The following CEP128 variants were observed in gnomAD, a reference collection of about 807,000 sequenced individuals.
CEP128 encodes centrosomal protein 128.
Under a neutral mutation model 156.7 loss-of-function variants are expected in CEP128, and 132 were observed. That is an observed-to-expected ratio of 0.84 (90% CI 0.73 to 0.97). CEP128 has a LOEUF of 0.97. Ranked by LOEUF, CEP128 falls within the 50% of genes least tolerant of loss-of-function variation. CEP128 has a pLI of 0.00. For missense variants in CEP128, 1,252 were observed against 1,281.9 expected, an observed-to-expected ratio of 0.98 and a Z score of 0.36; for synonymous variants, 469 against 448.9, an observed-to-expected ratio of 1.04 and a Z score of -0.57.
chr14:80,935,892 C>T (rs1885779259), intron 2 of CEP128, among the ~76,000 whole-genome samples: 1 of 152,122 alleles, frequency 6.6e-6, no homozygotes, highest in Non-Finnish European at 1.5e-5. Context: ...GTAAACATAG[C>T]TGTAATCAAT....
At chr14:80,541,859 T>C (rs1380671234) in intron 21 of CEP128, among the ~76,000 whole-genome samples, 2 of 152,206 alleles carry the variant, frequency 1.3e-5, no homozygotes, top group African/African-American at 4.8e-5. Context: ...AGTTAAGAGC[T>C]TGGGCTCTTG....
intron 19 of CEP128, among the ~76,000 whole-genome samples, chr14:80,736,195 A>G (rs1217325491): frequency 6.6e-6 from 1 of 152,114 alleles, no homozygotes; most frequent in East Asian, 1.9e-4. Context: ...GCAACAACAA[A>G]TAGTCAAAAT....
At chr14:80,729,280 G>A (rs1017543813) in intron 19 of CEP128, among the ~76,000 whole-genome samples, 1 of 151,346 alleles carries the variant, frequency 6.6e-6, no homozygotes, top group African/African-American at 2.4e-5. Flanking sequence ...TTCCATTCCT[G>A]AGTTACTTCA....
chr14:80,597,950 C>CAAAAAAAAAAAAAAAAAAAA (rs34001813), intron 19 of CEP128, among the ~76,000 whole-genome samples: 1 of 80,134 alleles, frequency 1.2e-5, no homozygotes, highest in African/African-American at 5.0e-5. Context: ...TCCTCAGCTA[C>CAAAAAAAAAAAAAAAAAAAA]AAAAAAAAAA....
intron 19 of CEP128, among the ~76,000 whole-genome samples, chr14:80,739,303 T>C (rs1008422046): frequency 9.2e-5 from 14 of 152,178 alleles, no homozygotes; most frequent in Non-Finnish European, 1.3e-4. Context: ...ACAAAAATTA[T>C]TGTGATAAGT....
chr14:80,665,061 T>C (rs1019841597), intron 19 of CEP128, among the ~76,000 whole-genome samples: 8 of 152,230 alleles, frequency 5.3e-5, no homozygotes, highest in African/African-American at 1.7e-4. Context: ...AAAGAAAATT[T>C]GAATTTCTGA....
intron 16 of CEP128, among the ~76,000 whole-genome samples, chr14:80,764,902 AG>A (rs1252397328): frequency 6.6e-6 from 1 of 152,196 alleles, no homozygotes; most frequent in Non-Finnish European, 1.5e-5. Context: ...TCAGACACAT[AG>A]TGGTCTCCAT....
chr14:80,623,837 A>G (rs1595106734), intron 19 of CEP128, among the ~76,000 whole-genome samples: 1 of 152,180 alleles, frequency 6.6e-6, no homozygotes, highest in Non-Finnish European at 1.5e-5. Flanking sequence ...ATACAGAGTG[A>G]TATTTTGATA....
At chr14:80,871,797 T>C (rs1357134517) in intron 8 of CEP128, among the ~76,000 whole-genome samples, 1 of 152,060 alleles carries the variant, frequency 6.6e-6, no homozygotes, top group Admixed American at 6.6e-5. Context: ...CCATATTTGG[T>C]TATAAAAATA....
intron 2 of CEP128, among the ~76,000 whole-genome samples, chr14:80,947,130 A>G (rs769700755): frequency 1.3e-5 from 2 of 152,158 alleles, no homozygotes; most frequent in African/African-American, 2.4e-5. Context: ...TTTTCTTCAC[A>G]AATTACACAG....
chr14:80,782,927 A>C (rs1384574460), intron 15 of CEP128, among the ~76,000 whole-genome samples: 1 of 151,792 alleles, frequency 6.6e-6, no homozygotes, highest in African/African-American at 2.4e-5. Flanking sequence ...CTTTTAGTAA[A>C]TTCTTTCCTT....
At chr14:80,711,294 G>GTT (rs1897394007) in intron 19 of CEP128, among the ~76,000 whole-genome samples, 2 of 88,844 alleles carry the variant, frequency 2.3e-5, no homozygotes, top group Admixed American at 2.7e-4. Context: ...ATAAGACTAT[G>GTT]TTGTGTGTGT....
intron 19 of CEP128, among the ~76,000 whole-genome samples, chr14:80,588,943 C>T (rs903834086): frequency 1.2e-4 from 19 of 152,176 alleles, no homozygotes; most frequent in African/African-American, 4.1e-4. Flanking sequence ...TATCTCACTT[C>T]ATGAAGTAGC....
intron 8 of CEP128, among the ~76,000 whole-genome samples, chr14:80,884,853 T>G (rs996702963): frequency 1.3e-5 from 2 of 152,116 alleles, no homozygotes; most frequent in African/African-American, 4.8e-5. Context: ...GGGAGCCAAG[T>G]GGTCTCACTC....
At chr14:80,813,844 T>G (rs1279061971) in intron 13 of CEP128, among the ~76,000 whole-genome samples, 1 of 152,200 alleles carries the variant, frequency 6.6e-6, no homozygotes, top group East Asian at 1.9e-4. Context: ...CATTAACTGC[T>G]ACATCTTTGT....
At chr14:80,749,744 A>G (rs545762127) in intron 18 of CEP128, among the ~76,000 whole-genome samples, 5 of 152,178 alleles carry the variant, frequency 3.3e-5, no homozygotes, top group Non-Finnish European at 7.3e-5. Flanking sequence ...TTTATCATGC[A>G]TTTTTAAATA....
intron 18 of CEP128, among the ~76,000 whole-genome samples, chr14:80,754,643 T>C (rs535549885): frequency 1.3e-4 from 20 of 152,108 alleles, no homozygotes; most frequent in Admixed American, 2.0e-4. Context: ...TTTGTATTTT[T>C]AGTAGAGACA....
Position 80,656,279 on chromosome 14 carries a change from TTATATATATATTTATATATATA to T in CEP128, c.2807-75878_2807-75857del, listed in dbSNP as rs1484636559. 3.5e-3 allele frequency among the ~76,000 whole-genome samples: 166 copies of T among 47,092 alleles called. 7 individuals are homozygous for T. Among genetic ancestry groups the T allele is most frequent in the African/African-American group, 0.012 (153 of 12,430 alleles). The allele number at this position is 47,092 out of a possible 152,430, so 30.9% of individuals were successfully genotyped here. On this transcript the variant is annotated intron_variant, in intron 19 of 24. Coordinates refer to ENST00000555265, the MANE Select transcript of CEP128 (RefSeq NM_152446.5). ...TTTCTCAATAAACCTAAGTTTTTAT[TTATATATATATTTATATATATA>T]TATATATATATATATATATATATAT... is the stretch of plus-strand genomic sequence containing the variant.
intron 4 of CEP128, among the ~76,000 whole-genome samples, chr14:80,908,232 T>A (rs527427301): frequency 6.6e-6 from 1 of 152,294 alleles, no homozygotes; most frequent in South Asian, 2.1e-4. Flanking sequence ...ATTTCATATG[T>A]TGTAAATTCT....
Sources: gnomAD v4.1 joint callset for allele counts (sites outside exome capture counted in the v4.1 genomes callset) on GRCh38, gnomAD v4.1.1 for gene constraint, MANE v1.5 for transcripts, NCBI Gene and HGNC (gene_info 2026-07-23, HGNC 2026-07-21) for gene names.